The following DEF8 variants were observed in gnomAD, a reference collection of about 807,000 sequenced individuals.
The protein encoded by DEF8 is DEF-8.
In DEF8, 38 loss-of-function variants were observed where a neutral mutation model predicts 59.1. The observed-to-expected ratio is 0.64, with a 90% CI of 0.50 to 0.84. The LOEUF (loss-of-function observed/expected upper bound fraction) is 0.84, where lower values mean the gene tolerates loss of function less well. Ranked by LOEUF, DEF8 falls within the 40% of genes least tolerant of loss-of-function variation. The probability of loss-of-function intolerance (pLI) is 0.00; values close to 1 mark genes in which losing one functional copy is unlikely to be tolerated. For missense variants in DEF8, 557 were observed against 615.2 expected (o/e 0.91, Z 1.00); for synonymous variants, 265 against 250.1 (o/e 1.06, Z -0.56).
chr16:89,966,204 C>T lies in DEF8; in HGVS notation c.*241C>T, dbSNP rs1027818720. ...CTGTGAGGGGTCCTTGCGTGGCCCC[C>T]ATCCTTCCCCCAATGCAGAACTCCA... On this transcript the variant is annotated 3_prime_UTR_variant, in exon 13 of 13. Transcript: ENST00000563594. 1.4e-5 allele frequency: 6 copies of T among 440,958 alleles called. No individual in the cohort carries two copies. Among genetic ancestry groups the T allele is most frequent in the East Asian group, 8.9e-5 (2 of 22,450 alleles). 27.3% of individuals were successfully genotyped at this position (440,958 alleles called of 1,614,324 possible).
In DEF8 at chr16:89,957,789, T is replaced by C. The variant is rs2033458461; in HGVS notation, c.372+129T>C. ...TCTCTCTCGGCCTCAGGGGCTGAGG[T>C]AGAAGGGCACGAGACAGGCAGGGTG... is the stretch of plus-strand genomic sequence containing the variant. On this transcript the variant is annotated intron_variant, in intron 5 of 12. Coordinates refer to ENST00000563594, the MANE Select transcript of DEF8 (RefSeq NM_001242818.2). The C allele has an allele frequency of 2.6e-6, 3 of 1,174,560 alleles. No individual in the cohort carries two copies. The South Asian group carries it at 4.9e-5, about 19-fold the overall frequency. The allele number at this position is 1,174,560 out of a possible 1,614,324, so 72.8% of individuals were successfully genotyped here. A position where few individuals can be genotyped will look rare whatever the true frequency, so the allele number is the denominator to read the frequency against.
In DEF8 at chr16:89,962,146, G is replaced by A. The variant is rs758509979; in HGVS notation, c.921+21G>A. 1.0e-5 allele frequency: 16 copies of A among 1,603,626 alleles called. No individual in the cohort carries two copies. In the Admixed American group the frequency reaches 1.2e-4, roughly 12 times the overall value. On this transcript the variant is annotated intron_variant, in intron 9 of 12. Coordinates refer to ENST00000563594, the MANE Select transcript of DEF8 (RefSeq NM_001242818.2). ...TTCGCGTGAGGCTGGGGCCATGGAA[G>A]TGGGGGGCGGGGGCGCTGTGTCAGG...
At chr16:89,960,895 T>G in intron 6 of DEF8, 36 bp from the exon 7 acceptor site, 2 of 1,599,872 alleles carry the variant, frequency 1.3e-6, no homozygotes, top group South Asian at 1.1e-5. Context: ...GGCGCACCCT[T>G]CCCGCTTTTG....
chr16:89,951,661 G>A (rs2032109554), intron 2 of DEF8, among the ~76,000 whole-genome samples: 1 of 152,188 alleles, frequency 6.6e-6, no homozygotes, highest in African/African-American at 2.4e-5. Flanking sequence ...TAGGGCTCAG[G>A]TGCAGTCCCC....
In DEF8 at chr16:89,961,871, G is replaced by C. The variant is rs753086607; in HGVS notation, c.807+7G>C. On this transcript the variant is annotated splice_region_variant and intron_variant, in intron 8 of 12. Transcript: ENST00000563594. Reference sequence around the variant, plus strand: ...GGACTTTGAGCCTCGAAAGGTGGGGGTTGGAAGGTGGGGGCATCCCCCTGG... The same window carrying C: ...GGACTTTGAGCCTCGAAAGGTGGGGCTTGGAAGGTGGGGGCATCCCCCTGG... 6.3e-7 allele frequency: 1 copy of C among 1,598,254 alleles called. No individual in the cohort carries two copies. Among genetic ancestry groups the C allele is most frequent in the Non-Finnish European group, 8.5e-7 (1 of 1,170,210 alleles).
intron 4 of DEF8, among the ~76,000 whole-genome samples, chr16:89,956,152 C>G (rs192893588): frequency 6.6e-6 from 1 of 150,748 alleles, no homozygotes; most frequent in East Asian, 2.0e-4. Flanking sequence ...CGGCAACATT[C>G]AAATGTAACT....
intron 1 of DEF8, among the ~76,000 whole-genome samples, chr16:89,949,120 G>C (rs1165429399): frequency 4.1e-5 from 6 of 146,448 alleles, no homozygotes; most frequent in Non-Finnish European, 7.6e-5. Context: ...CGGGGCCGGC[G>C]GGGACGGGGC....
intron 4 of DEF8, 60 bp downstream of exon 4, chr16:89,955,326 C>T (rs931091158): frequency 2.1e-6 from 3 of 1,447,094 alleles, no homozygotes; most frequent in East Asian, 4.5e-5. Context: ...CAGGAAGGGC[C>T]AGGGTTTCCT....
chr16:89,959,322 T>C, intron 6 of DEF8, 167 bp downstream of exon 6: 2 of 1,473,486 alleles, frequency 1.4e-6, no homozygotes, highest in African/African-American at 1.4e-5. Flanking sequence ...ACTGTCTACA[T>C]TGGACAGGGC....
At chr16:89,949,698 C>A in intron 2 of DEF8, 185 bp downstream of exon 2, 1 of 1,491,746 alleles carries the variant, frequency 6.7e-7, no homozygotes, top group South Asian at 1.2e-5. Flanking sequence ...CCCGGAACCC[C>A]GCCGGCTTTC....
chr16:89,952,539 A>C (rs1202510999), intron 2 of DEF8: 1 of 152,160 alleles, frequency 6.6e-6, no homozygotes. Flanking sequence ...GACAAACAAA[A>C]ATGAGGCTCC....
intron 6 of DEF8, 168 bp downstream of exon 6, chr16:89,959,323 T>C: frequency 6.8e-7 from 1 of 1,465,234 alleles, no homozygotes; most frequent in South Asian, 1.4e-5. Context: ...CTGTCTACAT[T>C]GGACAGGGCT....
In DEF8 at chr16:89,967,755, G is replaced by A. The variant is rs1441447721; in HGVS notation, c.*1792G>A. 5.4e-5 allele frequency: 17 copies of A among 317,174 alleles called. No homozygotes were observed. The highest frequency in any genetic ancestry group is 8.6e-5 in the Non-Finnish European group (15 of 175,170). The allele number at this position is 317,174 out of a possible 1,614,324, so 19.6% of individuals were successfully genotyped here. A position where few individuals can be genotyped will look rare whatever the true frequency, so the allele number is the denominator to read the frequency against. ...GTGTAATCAACTTCACATTATTCAA[G>A]TTACAAATCACTGTGTCCATAGAAA... On this transcript the variant is annotated 3_prime_UTR_variant, in exon 13 of 13. Transcript: ENST00000563594.
chr16:89,961,414 A>G (rs77286844), intron 7 of DEF8, among the ~76,000 whole-genome samples: 6,523 of 152,292 alleles, frequency 0.043, 486 homozygotes, highest in African/African-American at 0.15. Flanking sequence ...AGAAAGCCTC[A>G]TAGACGGGGT....
intron 12 of DEF8, 119 bp downstream of exon 12, chr16:89,964,694 G>A (rs1464273384): frequency 1.7e-5 from 12 of 710,020 alleles, no homozygotes; most frequent in East Asian, 2.7e-5. Flanking sequence ...CCCCGAGAAA[G>A]GGGAGACATA....
intron 9 of DEF8, among the ~76,000 whole-genome samples, chr16:89,963,093 C>T (rs1349155802): frequency 6.6e-6 from 1 of 152,256 alleles, no homozygotes; most frequent in Non-Finnish European, 1.5e-5. Context: ...TGGCTTGGTC[C>T]TGAGGCTGCT....
At chr16:89,950,667 C>T (rs1342454314) in intron 2 of DEF8, among the ~76,000 whole-genome samples, 1 of 152,062 alleles carries the variant, frequency 6.6e-6, no homozygotes, top group Admixed American at 6.6e-5. Flanking sequence ...CCACCACACA[C>T]CGGCCATGAT....
intron 2 of DEF8, among the ~76,000 whole-genome samples, chr16:89,953,139 C>T (rs2032502900): frequency 6.6e-6 from 1 of 152,216 alleles, no homozygotes. Context: ...GAAAGCATAA[C>T]TAACACTGTT....
chr16:89,951,535 G>A (rs567157933), intron 2 of DEF8, among the ~76,000 whole-genome samples: 9 of 152,240 alleles, frequency 5.9e-5, no homozygotes, highest in African/African-American at 2.2e-4. Flanking sequence ...GTGAGCCACC[G>A]AGCTGGGTCT....
Sources: gnomAD v4.1 joint callset for allele counts (sites outside exome capture counted in the v4.1 genomes callset) on GRCh38, gnomAD v4.1.1 for gene constraint, MANE v1.5 for transcripts, NCBI Gene and HGNC (gene_info 2026-07-23, HGNC 2026-07-21) for gene names.